Variants in AAAS observed in about 807,000 individuals in gnomAD.
AAAS encodes aladin.
Under a neutral mutation model 75.6 loss-of-function variants are expected in AAAS, and 60 were observed. The observed-to-expected ratio is 0.79, with a 90% CI of 0.64 to 0.98. The LOEUF (loss-of-function observed/expected upper bound fraction) is 0.98. Among genes scored for constraint, AAAS ranks in the 50% least tolerant of loss-of-function variants. AAAS has a pLI of 0.00. For synonymous variants in AAAS, 271 were observed against 265.0 expected (o/e 1.02, Z -0.22); for missense variants, 658 against 686.9 (o/e 0.96, Z 0.47).
chr12:53,314,922 A>C, intron 5 of AAAS, 73 bp from the exon 6 acceptor site: 1 of 1,515,948 alleles, frequency 6.6e-7, no homozygotes, highest in African/African-American at 1.4e-5. Context: ...ATTCATTTCC[A>C]GTAAGGACAT....
At chr12:53,309,863 A>T (rs779393733) in intron 7 of AAAS, 142 bp from the exon 8 acceptor site, 19 of 1,263,862 alleles carry the variant, frequency 1.5e-5, no homozygotes, top group Non-Finnish European at 2.0e-5. Flanking sequence ...AGGAATAAGG[A>T]TTGTGAAAGT....
Position 53,321,560 on chromosome 12 carries a change from T to G in AAAS, c.-95A>C. ...ACTCGGTTCCCGGGCTAGATTCGTA[T>G]GCGGACGGGTACCGCAAGGGACAAA... On this transcript the variant is annotated 5_prime_UTR_variant, in exon 1 of 16. Coordinates refer to ENST00000209873, the MANE Select transcript of AAAS (RefSeq NM_015665.6). 3 of 1,599,152 alleles carry G rather than the reference T, an allele frequency of 1.9e-6. No individual in the cohort carries two copies. The highest frequency in any genetic ancestry group is 2.2e-5 in the South Asian group (2 of 90,700).
Position 53,314,737 on chromosome 12 carries a change from G to A in AAAS, c.545+14C>T, listed in dbSNP as rs538599884. The A allele has an allele frequency of 1.9e-6, 3 of 1,611,122 alleles. No individual in the cohort carries two copies. Among genetic ancestry groups the A allele is most frequent in the East Asian group, 2.2e-5 (1 of 44,854 alleles). On this transcript the variant is annotated intron_variant, in intron 6 of 15. Coordinates refer to ENST00000209873, the MANE Select transcript of AAAS (RefSeq NM_015665.6). ...ATTGACAAGTCAGAGCCCACCTGGT[G>A]TCCCCACACACACCTGCTGGCATTA...
chr12:53,312,961 A>C (rs1007083126), intron 7 of AAAS, among the ~76,000 whole-genome samples: 2 of 149,880 alleles, frequency 1.3e-5, no homozygotes, highest in African/African-American at 4.9e-5. Flanking sequence ...GGTTCAAGTG[A>C]CTCTCCTGCC....
chr12:53,314,902 A>G, intron 5 of AAAS, 53 bp from the exon 6 acceptor site: 1 of 1,553,810 alleles, frequency 6.4e-7, no homozygotes, highest in East Asian at 2.3e-5. Flanking sequence ...ACCCTAGCCC[A>G]GAAGCTCACA....
chr12:53,311,913 TC>T (rs897214698), intron 7 of AAAS, among the ~76,000 whole-genome samples: 4 of 150,948 alleles, frequency 2.6e-5, no homozygotes, highest in African/African-American at 9.8e-5. Context: ...TGAGATTCCA[TC>T]CCCCCCCAAA....
rs775035681 is a variant in AAAS at position 53,314,860 on chromosome 12, G to A, written c.447-11C>T. 2.5e-6 allele frequency: 4 copies of A among 1,611,070 alleles called. No individual in the cohort carries two copies. The highest frequency in any genetic ancestry group is 2.2e-5 in the South Asian group (2 of 90,606). Reference sequence around the variant, plus strand: ...AAGCAGCAGCTGGACCTAAGGAAGGGGTTAACATGAAGAGTTCCTGCACCT... The same window carrying A: ...AAGCAGCAGCTGGACCTAAGGAAGGAGTTAACATGAAGAGTTCCTGCACCT... On this transcript the variant is annotated splice_polypyrimidine_tract_variant and intron_variant, in intron 5 of 15. Coordinates refer to ENST00000209873, the MANE Select transcript of AAAS (RefSeq NM_015665.6).
At chr12:53,315,583 C>T in intron 3 of AAAS, 144 bp downstream of exon 3, 3 of 1,242,128 alleles carry the variant, frequency 2.4e-6, no homozygotes, top group South Asian at 2.6e-5. Context: ...TGGACACCCA[C>T]TCTGGGTTAT....
intron 7 of AAAS, among the ~76,000 whole-genome samples, chr12:53,312,157 G>T (rs1210924845): frequency 6.6e-6 from 1 of 151,052 alleles, no homozygotes; most frequent in African/African-American, 2.4e-5. Flanking sequence ...AGGTTGCAGT[G>T]AGCCGAGATT....
At chr12:53,312,859 TA>T (rs1451760159) in intron 7 of AAAS, among the ~76,000 whole-genome samples, 46 of 35,898 alleles carry the variant, frequency 1.3e-3, no homozygotes, top group Non-Finnish European at 1.6e-3. Flanking sequence ...TATATATATA[TA>T]TATTTTTTTT....
chr12:53,307,738 T>C (rs372555408), intron 15 of AAAS, 25 bp from the exon 16 acceptor site: 4 of 1,613,746 alleles, frequency 2.5e-6, no homozygotes, highest in Middle Eastern at 1.6e-4. Flanking sequence ...AAGAAAAGGA[T>C]CAGAGTCTGG....
At chr12:53,320,777 G>T (rs1944541499) in intron 1 of AAAS, 85 bp from the exon 2 acceptor site, 5 of 1,499,134 alleles carry the variant, frequency 3.3e-6, no homozygotes, top group Admixed American at 1.8e-5. Flanking sequence ...CCACCGCTGG[G>T]CTAAGTATAA....
intron 14 of AAAS, 46 bp downstream of exon 14, chr12:53,308,006 G>C: frequency 6.2e-7 from 1 of 1,613,262 alleles, no homozygotes; most frequent in Non-Finnish European, 8.5e-7. Flanking sequence ...GTTTGTGCAG[G>C]AAGGCTGGTG....
At position 53,307,515 on chromosome 12, in the gene AAAS, G is replaced by A. The variant is rs1462030346; in HGVS notation, c.1615C>T (p.Pro539Ser). ...DPLPGPPPVL[P>S]HSPHSHL ...TAGAGGTGGGAATGTGGGGAGTGGGGCAGAACAGGTGGTGGCCCTGGGAGA... is the reference window on the plus strand; with the variant it reads ...TAGAGGTGGGAATGTGGGGAGTGGGACAGAACAGGTGGTGGCCCTGGGAGA... The change falls in exon 16 of 16, where the codon CCC becomes TCC. Residue 539 changes from proline to serine, a missense_variant. Pro to Ser is a moderately conservative substitution (Grantham distance 74, BLOSUM62 -1). Transcript: ENST00000209873. The A allele has an allele frequency of 6.2e-7, 1 of 1,613,900 alleles. No individual in the cohort carries two copies. Among genetic ancestry groups the A allele is most frequent in the East Asian group, 2.2e-5 (1 of 44,888 alleles).
At chr12:53,315,231 T>A (rs1286844939) in intron 4 of AAAS, 91 bp from the exon 5 acceptor site, 5 of 1,595,480 alleles carry the variant, frequency 3.1e-6, no homozygotes, top group Non-Finnish European at 4.3e-6. Context: ...ACTCCTACCC[T>A]CTGAAGTCAT....
Position 53,318,241 on chromosome 12 carries a change from TG to T in AAAS, c.251+2323del, listed in dbSNP as rs1565783225. The stretch of plus-strand genomic sequence containing the variant: ...GGGTTTCAGTGTGTGTGTGTGTGTG[TG>T]TGCGTGTGTGTGTGTGTGTGTGTGT... On this transcript the variant is annotated intron_variant, in intron 2 of 15. Coordinates refer to ENST00000209873, the MANE Select transcript of AAAS (RefSeq NM_015665.6). Among the ~76,000 whole-genome samples, 701 of 131,558 alleles carry T rather than the reference TG, an allele frequency of 5.3e-3. 5 individuals are homozygous for T. Among genetic ancestry groups the T allele is most frequent in the African/African-American group, 0.019 (607 of 32,162 alleles). 86.3% of individuals were successfully genotyped at this position (131,558 alleles called of 152,430 possible).
intron 2 of AAAS, among the ~76,000 whole-genome samples, chr12:53,317,367 C>A: frequency 6.6e-6 from 1 of 151,662 alleles, no homozygotes; most frequent in African/African-American, 2.4e-5. Flanking sequence ...ACCATCCTGG[C>A]TAACACGGTG....
chr12:53,318,248 G>A (rs1944495134), intron 2 of AAAS, among the ~76,000 whole-genome samples: 1 of 91,226 alleles, frequency 1.1e-5, no homozygotes, highest in Non-Finnish European at 2.0e-5. Context: ...GTGTGTGCGT[G>A]TGTGTGTGTG....
At chr12:53,308,883 T>C in intron 10 of AAAS, 68 bp from the exon 11 acceptor site, 1 of 1,612,744 alleles carries the variant, frequency 6.2e-7, no homozygotes, top group South Asian at 1.1e-5. Context: ...AAAGTAGAGG[T>C]GGCCAGGTTT....
Sources: allele counts gnomAD v4.1 joint callset (sites outside exome capture counted in the v4.1 genomes callset), GRCh38; gene constraint gnomAD v4.1.1; transcripts MANE v1.5; gene names NCBI Gene and HGNC (gene_info 2026-07-23, HGNC 2026-07-21).